The following FAM107B variants were observed in gnomAD, a reference collection of about 807,000 sequenced individuals.
FAM107B encodes the protein protein FAM107B.
In FAM107B, 21 loss-of-function variants were observed where a neutral mutation model predicts 31.5. The observed-to-expected ratio is 0.67, with a 90% CI of 0.47 to 0.96. FAM107B has a LOEUF of 0.96. FAM107B is among the 40% of genes least tolerant of loss of function. FAM107B has a pLI of 0.00. For missense variants in FAM107B, 452 were observed against 377.1 expected (o/e 1.20, Z -1.64); for synonymous variants, 157 against 141.5 (o/e 1.11, Z -0.78).
chr10:14,694,604 G>A (rs967034539), intron 1 of FAM107B, among the ~76,000 whole-genome samples: 2 of 152,090 alleles, frequency 1.3e-5, no homozygotes, highest in African/African-American at 4.8e-5. Flanking sequence ...GGCTGGCCTC[G>A]AACTCCTGAC....
At chr10:14,752,626 G>A (rs552015150) in intron 1 of FAM107B, among the ~76,000 whole-genome samples, 2 of 152,260 alleles carry the variant, frequency 1.3e-5, no homozygotes, top group South Asian at 4.2e-4. Flanking sequence ...ACTATAAGAT[G>A]AATGCATCAG....
intron 1 of FAM107B, among the ~76,000 whole-genome samples, chr10:14,692,245 G>C (rs750886131): frequency 6.6e-6 from 1 of 152,106 alleles, no homozygotes; most frequent in Non-Finnish European, 1.5e-5. Context: ...AAAACAAGGC[G>C]TACCCCTGGG....
intron 2 of FAM107B, among the ~76,000 whole-genome samples, chr10:14,611,839 T>C (rs1364856170): frequency 2.0e-5 from 3 of 151,968 alleles, no homozygotes; most frequent in African/African-American, 7.3e-5. Context: ...AAAATATATA[T>C]GCATAAATTT....
rs144758768 is a variant in FAM107B, at chr10:14,728,373, G to A, written c.411+45880C>T. On this transcript the variant is annotated intron_variant, in intron 1 of 4. Coordinates refer to ENST00000181796, the MANE Select transcript of FAM107B (RefSeq NM_031453.4). Reference sequence around the variant, plus strand: ...TGTGCTTTTTTTTTTAATCTCCAGCGGTAGAAATTACTATTTTTGAAAATA... The same window carrying A: ...TGTGCTTTTTTTTTTAATCTCCAGCAGTAGAAATTACTATTTTTGAAAATA... Among the ~76,000 whole-genome samples, 156 of 151,084 alleles carry A rather than the reference G, an allele frequency of 1.0e-3. 1 individual carries two copies. In the East Asian group the frequency reaches 0.026, roughly 25 times the overall value.
In FAM107B at chr10:14,572,736, A is replaced by ATTATATATATATATATATATATATAT. The variant is rs1455058375; in HGVS notation, c.470-42222_470-42221insATATATATATATATATATATATATAA. On this transcript the variant is annotated intron_variant, in intron 2 of 4. Transcript: ENST00000181796. ...CCCCATCTCTTCAAAAAAAAAAAAA[A>ATTATATATATATATATATATATATAT]ATTTATATATATATATATATATATT... 8.7e-4 allele frequency among the ~76,000 whole-genome samples: 75 copies of ATTATATATATATATATATATATATAT among 86,454 alleles called. 2 individuals are homozygous for ATTATATATATATATATATATATATAT. Among genetic ancestry groups the ATTATATATATATATATATATATATAT allele is most frequent in the African/African-American group, 2.9e-3 (71 of 24,872 alleles). The allele number at this position is 86,454 out of a possible 152,430, so 56.7% of individuals were successfully genotyped here.
intron 1 of FAM107B, among the ~76,000 whole-genome samples, chr10:14,698,877 G>C (rs1027487713): frequency 1.3e-5 from 2 of 152,184 alleles, no homozygotes; most frequent in African/African-American, 4.8e-5. Flanking sequence ...CAAAACCCAC[G>C]ATTACTTTTC....
chr10:14,664,354 G>A (rs1588692539), intron 2 of FAM107B, among the ~76,000 whole-genome samples: 1 of 152,122 alleles, frequency 6.6e-6, no homozygotes, highest in Admixed American at 6.5e-5. Flanking sequence ...ATGAGGGATG[G>A]AGTCAAGTCT....
At chr10:14,599,878 C>G (rs1393061473) in intron 2 of FAM107B, among the ~76,000 whole-genome samples, 1 of 151,566 alleles carries the variant, frequency 6.6e-6, no homozygotes, top group Non-Finnish European at 1.5e-5. Flanking sequence ...AAACTCTTTT[C>G]CATCACATAC....
intron 1 of FAM107B, among the ~76,000 whole-genome samples, chr10:14,690,932 GTTGA>G (rs57262758): frequency 1.3e-5 from 2 of 151,628 alleles, no homozygotes; most frequent in Admixed American, 6.6e-5. Context: ...ATGGGCATTT[GTTGA>G]TTGATTGATT....
chr10:14,641,502 G>A (rs2131432735), intron 2 of FAM107B, among the ~76,000 whole-genome samples: 1 of 152,298 alleles, frequency 6.6e-6, no homozygotes, highest in African/African-American at 2.4e-5. Flanking sequence ...AGTTCCAGAG[G>A]CTGGAAGTAC....
At chr10:14,545,980 G>A (rs1284198776) in intron 2 of FAM107B, among the ~76,000 whole-genome samples, 1 of 152,224 alleles carries the variant, frequency 6.6e-6, no homozygotes, top group Non-Finnish European at 1.5e-5. Flanking sequence ...TTCCTGCTGG[G>A]CTAGCTTTCA....
At chr10:14,751,457 A>G (rs1200944059) in intron 1 of FAM107B, among the ~76,000 whole-genome samples, 2 of 151,906 alleles carry the variant, frequency 1.3e-5, no homozygotes, top group African/African-American at 4.8e-5. Flanking sequence ...CACTGGGCAG[A>G]GCTCCCAGGG....
intron 2 of FAM107B, among the ~76,000 whole-genome samples, chr10:14,541,814 A>G (rs1387000141): frequency 6.6e-6 from 1 of 152,196 alleles, no homozygotes; most frequent in African/African-American, 2.4e-5. Context: ...CACAGTGACT[A>G]GCAGACACAG....
intron 1 of FAM107B, among the ~76,000 whole-genome samples, chr10:14,735,777 G>A (rs2131565264): frequency 6.6e-6 from 1 of 152,228 alleles, no homozygotes; most frequent in East Asian, 1.9e-4. Flanking sequence ...CCAGGGATCT[G>A]CGATTGTCCA....
intron 2 of FAM107B, chr10:14,548,739 A>G (rs1417858948): frequency 1.2e-6 from 1 of 837,074 alleles, no homozygotes; most frequent in African/African-American, 1.8e-5. Flanking sequence ...TGCCAGAAAA[A>G]TGCAAATTGG....
At chr10:14,745,149 A>G (rs1252347464) in intron 1 of FAM107B, among the ~76,000 whole-genome samples, 1 of 151,788 alleles carries the variant, frequency 6.6e-6, no homozygotes, top group African/African-American at 2.4e-5. Context: ...GTCAGTGGTG[A>G]TATCCCCTTT....
intron 1 of FAM107B, among the ~76,000 whole-genome samples, chr10:14,769,065 C>T (rs1255409271): frequency 6.6e-6 from 1 of 152,228 alleles, no homozygotes; most frequent in Admixed American, 6.5e-5. Flanking sequence ...CAGTGCTTGC[C>T]TTGAGCCCCT....
intron 2 of FAM107B, among the ~76,000 whole-genome samples, chr10:14,533,936 G>A (rs56839544): frequency 1.1e-4 from 16 of 152,038 alleles, no homozygotes; most frequent in Admixed American, 2.0e-4. Flanking sequence ...AGGAGGGGGG[G>A]GCTGCGGTTG....
chr10:14,677,483 TG>T (rs983478269), intron 1 of FAM107B, among the ~76,000 whole-genome samples: 25 of 151,920 alleles, frequency 1.6e-4, no homozygotes, highest in African/African-American at 5.6e-4. Context: ...TAGCCGGGCG[TG>T]GTGGTGGGCG....
Sources: gnomAD v4.1 joint callset for allele counts (sites outside exome capture counted in the v4.1 genomes callset) on GRCh38, gnomAD v4.1.1 for gene constraint, MANE v1.5 for transcripts, NCBI Gene and HGNC (gene_info 2026-07-23, HGNC 2026-07-21) for gene names.